SGIP1: variants seen among roughly 807,000 people sequenced by gnomAD.
SGIP1 encodes the protein SH3GL interacting endocytic adaptor 1, also known as SH3-containing GRB2-like protein 3-interacting protein 1.
In SGIP1, 38 loss-of-function variants were observed where a neutral mutation model predicts 107.5. The ratio of observed to expected loss-of-function variants is 0.35; its 90% CI spans 0.27 to 0.46. SGIP1 has a LOEUF of 0.46. SGIP1 is among the 20% of genes least tolerant of loss of function. The probability of loss-of-function intolerance (pLI) is 1.00; values close to 1 mark genes in which losing one functional copy is unlikely to be tolerated. For missense variants in SGIP1, 929 were observed against 1,019.5 expected, an observed-to-expected ratio of 0.91 and a Z score of 1.21; for synonymous variants, 365 against 366.1, an observed-to-expected ratio of 1.00 and a Z score of 0.03.
chr1:66,720,010 G>C (rs2093444244), intron 19 of SGIP1, among the ~76,000 whole-genome samples: 1 of 152,156 alleles, frequency 6.6e-6, no homozygotes, highest in Non-Finnish European at 1.5e-5. Flanking sequence ...CTATTTACAT[G>C]AGCCTGATTT....
chr1:66,575,159 C>A (rs997641772), intron 1 of SGIP1, among the ~76,000 whole-genome samples: 3 of 152,098 alleles, frequency 2.0e-5, no homozygotes, highest in African/African-American at 4.8e-5. Context: ...GCTTAGAAGG[C>A]TTGGGTATAT....
intron 1 of SGIP1, among the ~76,000 whole-genome samples, chr1:66,566,800 C>T (rs1338790504): frequency 2.0e-5 from 3 of 151,856 alleles, no homozygotes; most frequent in Non-Finnish European, 4.4e-5. Flanking sequence ...CCCATCAACC[C>T]GTCATCTAGG....
intron 11 of SGIP1, 139 bp downstream of exon 11, chr1:66,672,134 C>G: frequency 2.7e-6 from 2 of 747,178 alleles, no homozygotes; most frequent in East Asian, 5.3e-5. Context: ...ATGTCCACAG[C>G]ATGGTCCAAA....
chr1:66,714,635 G>A (rs1255690330), intron 18 of SGIP1, among the ~76,000 whole-genome samples: 3 of 151,994 alleles, frequency 2.0e-5, no homozygotes, highest in Non-Finnish European at 4.4e-5. Flanking sequence ...AATTCTAAAT[G>A]CCTATAGACA....
intron 1 of SGIP1, among the ~76,000 whole-genome samples, chr1:66,623,208 T>G (rs2071629736): frequency 6.6e-6 from 1 of 152,242 alleles, no homozygotes; most frequent in South Asian, 2.1e-4. Context: ...ATATTTTTTG[T>G]AAACTTCTTA....
intron 6 of SGIP1, among the ~76,000 whole-genome samples, chr1:66,643,165 A>G (rs992985504): frequency 6.6e-6 from 1 of 152,166 alleles, no homozygotes; most frequent in Non-Finnish European, 1.5e-5. Flanking sequence ...TCTCCCTACA[A>G]TTCAACTCTG....
intron 1 of SGIP1, among the ~76,000 whole-genome samples, chr1:66,556,045 A>G (rs1480173903): frequency 6.6e-6 from 1 of 152,144 alleles, no homozygotes; most frequent in African/African-American, 2.4e-5. Flanking sequence ...ACACAGGAAA[A>G]TATTGAGTAT....
intron 1 of SGIP1, among the ~76,000 whole-genome samples, chr1:66,598,779 C>G (rs920256191): frequency 6.6e-6 from 1 of 152,156 alleles, no homozygotes; most frequent in East Asian, 1.9e-4. Flanking sequence ...AGAACTCCGA[C>G]CCCACGATCC....
chr1:66,681,900 T>G lies in SGIP1; in HGVS notation c.846T>G (p.Ile282Met). 6.2e-7 allele frequency: 1 copy of G among 1,613,462 alleles called. No homozygotes were observed. The highest frequency in any genetic ancestry group is 1.1e-5 in the South Asian group (1 of 90,952). The change falls in exon 15 of 25, where the codon ATT becomes ATG. Residue 282 changes from isoleucine to methionine, a missense_variant. Ile to Met is a conservative substitution (Grantham distance 10). Coordinates refer to ENST00000371037, the MANE Select transcript of SGIP1 (RefSeq NM_032291.4). ...ACCAGTCAGCCACAGAGGTCAAAATTGAAAAACTACCATCCATCAATGACT... is the reference window on the plus strand; with the variant it reads ...ACCAGTCAGCCACAGAGGTCAAAATGGAAAAACTACCATCCATCAATGACT... ...GNDQSATEVKIEKLPSINDLD... is the reference protein window; with the variant it reads ...GNDQSATEVKMEKLPSINDLD...
chr1:66,696,893 T>A (rs2091025822), intron 18 of SGIP1, among the ~76,000 whole-genome samples: 1 of 152,240 alleles, frequency 6.6e-6, no homozygotes, highest in African/African-American at 2.4e-5. Context: ...CTAATCAGCA[T>A]GTTGCCAAAG....
At chr1:66,641,319 C>T (rs2076751456) in intron 5 of SGIP1, among the ~76,000 whole-genome samples, 1 of 152,090 alleles carries the variant, frequency 6.6e-6, no homozygotes. Flanking sequence ...TAAATATAGA[C>T]AATAAAAAAG....
chr1:66,552,883 G>A (rs1051522525), intron 1 of SGIP1, among the ~76,000 whole-genome samples: 6 of 152,066 alleles, frequency 3.9e-5, no homozygotes, highest in Non-Finnish European at 5.9e-5. Flanking sequence ...TAAGGAAAAC[G>A]CTTCCTTCAG....
At chr1:66,611,193 A>C (rs1475786709) in intron 1 of SGIP1, among the ~76,000 whole-genome samples, 1 of 152,238 alleles carries the variant, frequency 6.6e-6, no homozygotes, top group Non-Finnish European at 1.5e-5. Flanking sequence ...TGATTTTGCT[A>C]AGTTTCTGAA....
At position 66,690,241 on chromosome 1, in the gene SGIP1, C is replaced by T; in HGVS notation, c.1495C>T (p.Pro499Ser). The change falls in exon 17 of 25, where the codon CCC becomes TCC. Residue 499 changes from proline (P) to serine (S), a missense_variant. Pro to Ser is a moderately conservative substitution (Grantham distance 74). Transcript: ENST00000371037. ...TTCTTCCAGCCCTCCTCCAATAGCA[C>T]CCTTAGCGCGGGCTGAAAGCACTTC... ...IHSSSPPPIA[P>S]LARAESTSSI... 6.2e-7 allele frequency: 1 copy of T among 1,614,192 alleles called. No homozygotes were observed.
intron 21 of SGIP1, among the ~76,000 whole-genome samples, chr1:66,736,898 T>C (rs970902878): frequency 6.6e-6 from 1 of 152,050 alleles, no homozygotes; most frequent in Non-Finnish European, 1.5e-5. Flanking sequence ...TGGTGTATTT[T>C]CCAGAAATGC....
chr1:66,534,187 A>C lies in SGIP1; in HGVS notation c.-172A>C. ...GTAGCCTGCCTGTAGGTGAAGAAGC[A>C]CCAGCAGCATCCATGGCCTGTCTTT... is the stretch of plus-strand genomic sequence containing the variant. On this transcript the variant is annotated 5_prime_UTR_variant, in exon 1 of 25. Coordinates refer to ENST00000371037, the MANE Select transcript of SGIP1 (RefSeq NM_032291.4). The C allele has an allele frequency of 1.5e-6, 1 of 657,228 alleles. No homozygotes were observed. Among genetic ancestry groups the C allele is most frequent in the Non-Finnish European group, 2.7e-6 (1 of 367,084 alleles). The allele number at this position is 657,228 out of a possible 1,614,324, so 40.7% of individuals were successfully genotyped here.
chr1:66,586,222 G>A (rs1256910608), intron 1 of SGIP1, among the ~76,000 whole-genome samples: 3 of 151,962 alleles, frequency 2.0e-5, no homozygotes, highest in Non-Finnish European at 4.4e-5. Context: ...AATTTGCCTA[G>A]GTTATTATAT....
chr1:66,654,297 T>C (rs1328822616), intron 7 of SGIP1, among the ~76,000 whole-genome samples: 5 of 152,196 alleles, frequency 3.3e-5, no homozygotes, highest in African/African-American at 1.2e-4. Context: ...TAATTTCCTG[T>C]TTCTTCCTCT....
chr1:66,568,883 G>C (rs1325816898), intron 1 of SGIP1, among the ~76,000 whole-genome samples: 1 of 151,870 alleles, frequency 6.6e-6, no homozygotes, highest in Non-Finnish European at 1.5e-5. Flanking sequence ...TTTAGTAATA[G>C]TATCCAAAAT....
Sources: gnomAD v4.1 joint callset for allele counts (sites outside exome capture counted in the v4.1 genomes callset) on GRCh38, gnomAD v4.1.1 for gene constraint, MANE v1.5 for transcripts, NCBI Gene and HGNC (gene_info 2026-07-23, HGNC 2026-07-21) for gene names.